The following SYNPR variants were observed in gnomAD, a reference collection of about 807,000 sequenced individuals.
SYNPR encodes the protein synaptoporin.
In SYNPR, 23 loss-of-function variants were observed where a neutral mutation model predicts 32.9. The observed-to-expected ratio is 0.70, with a 90% CI of 0.50 to 0.99. The LOEUF (loss-of-function observed/expected upper bound fraction) is 0.99, where lower values mean the gene tolerates loss of function less well. Among genes scored for constraint, SYNPR ranks in the 50% least tolerant of loss-of-function variants. The pLI, the probability that SYNPR is intolerant of heterozygous loss-of-function variation, is 0.00. For synonymous variants in SYNPR, 146 were observed against 135.9 expected, an observed-to-expected ratio of 1.07 and a Z score of -0.52; for missense variants, 318 against 349.3, an observed-to-expected ratio of 0.91 and a Z score of 0.71.
chr3:63,502,551 C>T (rs1701502210), intron 3 of SYNPR, among the ~76,000 whole-genome samples: 1 of 152,132 alleles, frequency 6.6e-6, no homozygotes, highest in African/African-American at 2.4e-5. Context: ...TGCTTATTCA[C>T]CACCCTCACC....
chr3:63,301,518 T>C (rs1320856236), intron 2 of SYNPR, among the ~76,000 whole-genome samples: 2 of 152,064 alleles, frequency 1.3e-5, no homozygotes, highest in East Asian at 3.9e-4. Flanking sequence ...TCATATTGAG[T>C]TGATGTCTAC....
chr3:63,221,044 G>T, the SYNPR span, among the ~76,000 whole-genome samples: 1 of 152,268 alleles, frequency 6.6e-6, no homozygotes, highest in East Asian at 1.9e-4. Context: ...ATTGATAGGA[G>T]CATGGGAAAG....
At chr3:63,584,824 G>A (rs1703154715) in intron 4 of SYNPR, among the ~76,000 whole-genome samples, 1 of 152,076 alleles carries the variant, frequency 6.6e-6, no homozygotes, top group Non-Finnish European at 1.5e-5. Context: ...AGTAGACTGG[G>A]AAGTATTTAT....
At chr3:63,397,583 C>T (rs2088232635) in intron 2 of SYNPR, among the ~76,000 whole-genome samples, 1 of 152,122 alleles carries the variant, frequency 6.6e-6, no homozygotes, top group African/African-American at 2.4e-5. Context: ...TTCAGCAATT[C>T]CTGAGGTCTT....
Position 63,278,752 on chromosome 3 carries a change from A to T in SYNPR, c.84+10A>T, listed in dbSNP as rs757626717. On this transcript the variant is annotated intron_variant, in intron 2 of 5. Transcript: ENST00000478300. ...GCGAGCCCTGGAATTGGTGAGTAGCAGTGTGTGTGCAGGGAGGGGCGCCAG... is the reference window on the plus strand; with the variant it reads ...GCGAGCCCTGGAATTGGTGAGTAGCTGTGTGTGTGCAGGGAGGGGCGCCAG... The T allele has an allele frequency of 6.4e-7, 1 of 1,551,408 alleles. No individual in the cohort carries two copies. Among genetic ancestry groups the T allele is most frequent in the African/African-American group, 1.4e-5 (1 of 73,140 alleles).
At chr3:63,306,837 A>T (rs1216124291) in intron 2 of SYNPR, among the ~76,000 whole-genome samples, 1 of 151,994 alleles carries the variant, frequency 6.6e-6, no homozygotes, top group East Asian at 1.9e-4. Context: ...CCATTGGTCT[A>T]GGGAAGGGAT....
chr3:63,415,508 G>T (rs1310004214), intron 2 of SYNPR, among the ~76,000 whole-genome samples: 1 of 152,030 alleles, frequency 6.6e-6, no homozygotes, highest in East Asian at 1.9e-4. Flanking sequence ...TCTTTAAAGG[G>T]CTGGTAGTAA....
At chr3:63,577,485 G>A (rs1286785456) in intron 4 of SYNPR, among the ~76,000 whole-genome samples, 3 of 152,036 alleles carry the variant, frequency 2.0e-5, no homozygotes, top group Non-Finnish European at 4.4e-5. Flanking sequence ...TTGGAAGGGA[G>A]GGACAGGAGA....
intron 2 of SYNPR, among the ~76,000 whole-genome samples, chr3:63,435,797 A>G (rs1396201513): frequency 6.6e-6 from 1 of 152,258 alleles, no homozygotes; most frequent in Non-Finnish European, 1.5e-5. Context: ...CATTTTGAAC[A>G]TTGAAAGTCT....
intron 3 of SYNPR, among the ~76,000 whole-genome samples, chr3:63,509,390 C>T (rs962434489): frequency 1.4e-4 from 21 of 150,968 alleles, no homozygotes; most frequent in African/African-American, 4.9e-4. Flanking sequence ...ATTCTTATAG[C>T]CTGAAAAACA....
intron 4 of SYNPR, among the ~76,000 whole-genome samples, chr3:63,581,761 G>C (rs1332753865): frequency 6.6e-6 from 1 of 151,766 alleles, no homozygotes; most frequent in Non-Finnish European, 1.5e-5. Flanking sequence ...GTTTATTAAA[G>C]TTTACTTTGA....
At chr3:63,317,362 G>A (rs1476999357) in intron 2 of SYNPR, among the ~76,000 whole-genome samples, 1 of 151,814 alleles carries the variant, frequency 6.6e-6, no homozygotes. Flanking sequence ...TTGTGTTGCT[G>A]TCTATCTCAT....
At chr3:63,267,882 G>C (rs1401462538) in intron 3 of SYNPR, among the ~76,000 whole-genome samples, 1 of 151,906 alleles carries the variant, frequency 6.6e-6, no homozygotes, top group Non-Finnish European at 1.5e-5. Context: ...CCCTCCCTGA[G>C]TCCCCTGCTA....
chr3:63,457,416 C>T (rs1227798056), intron 2 of SYNPR, among the ~76,000 whole-genome samples: 1 of 151,854 alleles, frequency 6.6e-6, no homozygotes, highest in Non-Finnish European at 1.5e-5. Context: ...TCCCCTAGAA[C>T]TTTCTAGGAT....
the SYNPR span, among the ~76,000 whole-genome samples, chr3:63,206,311 T>G: frequency 6.6e-6 from 1 of 152,168 alleles, no homozygotes; most frequent in African/African-American, 2.4e-5. Context: ...CATATCCCAA[T>G]AGAAAAATCA....
Position 63,595,844 on chromosome 3 carries a change from G to GTTTTATATATATATAGTTATATATATTT in SYNPR, c.409-13255_409-13254insTTTTTTATATATATATAGTTATATATAT, listed in dbSNP as rs1559546438. Among the ~76,000 whole-genome samples the GTTTTATATATATATAGTTATATATATTT allele has an allele frequency of 1.6e-4, 8 of 49,876 alleles. No homozygotes were observed. The East Asian group carries it at 3.1e-3, about 19-fold the overall frequency. The allele number at this position is 49,876 out of a possible 152,430, so 32.7% of individuals were successfully genotyped here. On this transcript the variant is annotated intron_variant, in intron 4 of 5. Coordinates refer to ENST00000478300, the MANE Select transcript of SYNPR (RefSeq NM_001130003.2). ...TTATATATATATAGTTATATATATA[G>GTTTTATATATATATAGTTATATATATTT]TTTTATATATATATAGTTATATATA... is the stretch of plus-strand genomic sequence containing the variant.
chr3:63,242,775 C>G (rs1306842262), intron 1 of SYNPR, among the ~76,000 whole-genome samples: 1 of 151,720 alleles, frequency 6.6e-6, no homozygotes, highest in African/African-American at 2.4e-5. Context: ...CTAATAAGAA[C>G]AAATAGAATT....
intron 2 of SYNPR, among the ~76,000 whole-genome samples, chr3:63,371,114 C>T (rs58564949): frequency 0.01 from 1,562 of 152,184 alleles, 32 homozygotes; most frequent in African/African-American, 0.036. Context: ...CCTGGGATGG[C>T]ATAGAGCCAG....
At chr3:63,549,823 C>T (rs547860575) in intron 3 of SYNPR, among the ~76,000 whole-genome samples, 1 of 151,850 alleles carries the variant, frequency 6.6e-6, no homozygotes, top group Admixed American at 6.6e-5. Flanking sequence ...AACATTGGTA[C>T]ATATTTTTTT....
Sources: allele counts gnomAD v4.1 joint callset (sites outside exome capture counted in the v4.1 genomes callset), GRCh38; gene constraint gnomAD v4.1.1; transcripts MANE v1.5; gene names NCBI Gene and HGNC (gene_info 2026-07-23, HGNC 2026-07-21).